The following GPRIN3 variants were observed in gnomAD, a reference collection of about 807,000 sequenced individuals.
GPRIN3 encodes the protein GPRIN family member 3.
Under a neutral mutation model 13.7 loss-of-function variants are expected in GPRIN3, and 12 were observed. The observed-to-expected ratio is 0.87, with a 90% confidence interval of 0.56 to 1.42. The LOEUF is 1.42. GPRIN3 is among the 40% of genes most tolerant of loss of function. The pLI is 0.00. For synonymous variants in GPRIN3, 377 were observed against 372.7 expected, an observed-to-expected ratio of 1.01 and a Z score of -0.13; for missense variants, 1,009 against 958.7, an observed-to-expected ratio of 1.05 and a Z score of -0.69.
intron 1 of GPRIN3, among the ~76,000 whole-genome samples, chr4:89,288,279 G>C (rs1317140553): frequency 6.6e-6 from 1 of 152,118 alleles, no homozygotes; most frequent in African/African-American, 2.4e-5. Context: ...GCTCTTGCTT[G>C]GCTTTCTAGA....
chr4:89,277,918 T>C (rs1724137370), intron 1 of GPRIN3, among the ~76,000 whole-genome samples: 1 of 152,214 alleles, frequency 6.6e-6, no homozygotes, highest in South Asian at 2.1e-4. Context: ...TCTTGGGTAG[T>C]TCCTGCTCCT....
At chr4:89,303,714 C>T (rs1203668158) in intron 1 of GPRIN3, among the ~76,000 whole-genome samples, 2 of 150,138 alleles carry the variant, frequency 1.3e-5, no homozygotes, top group South Asian at 4.2e-4. Flanking sequence ...CTACAGACAC[C>T]GTCACCATTT....
chr4:89,248,393 C>A lies in GPRIN3; in HGVS notation c.1718G>T (p.Gly573Val). 1.2e-6 allele frequency: 2 copies of A among 1,614,128 alleles called. No homozygotes were observed. Among genetic ancestry groups the A allele is most frequent in the Non-Finnish European group, 1.7e-6 (2 of 1,180,022 alleles). ...LLNPKSQESG[G>V]TESAANPTPS... ...TGTAGGATTAGCAGCTGATTCTGTG[C>A]CTCCACTTTCTTGGGATTTAGGATT... The change falls in exon 2 of 2, where the codon GGC becomes GTC. Residue 573 changes from glycine to valine, a missense_variant. By Grantham distance (109) the Gly-to-Val change is moderately radical. Coordinates refer to ENST00000609438, the MANE Select transcript of GPRIN3 (RefSeq NM_198281.3).
In GPRIN3 at chr4:89,236,805, T is replaced by C. The variant is rs1722804357; in HGVS notation, c.*10975A>G. On this transcript the variant is annotated 3_prime_UTR_variant, in exon 2 of 2. Transcript: ENST00000609438. ...TTATATGTCTCAAGTATCTGTGCCA[T>C]TGACAAATTGTAAAACTGTGCATGT... 6.6e-6 allele frequency: 1 copy of C among 152,210 alleles called. No homozygotes were observed. Among genetic ancestry groups the C allele is most frequent in the African/African-American group, 2.4e-5 (1 of 41,450 alleles). The allele number at this position is 152,210 out of a possible 1,614,324, so 9.4% of individuals were successfully genotyped here.
In GPRIN3 at chr4:89,249,127, G is replaced by A. The variant is rs189934894; in HGVS notation, c.984C>T (p.Val328=). 3.9e-5 allele frequency: 63 copies of A among 1,614,130 alleles called. No individual in the cohort carries two copies. The African/African-American group carries it at 5.1e-4, about 13-fold the overall frequency. The part of the protein sequence containing the change: ...QDAEVQAVAS[V]ESRSVSTSPS... Reference sequence around the variant, plus strand: ...GGCTGGTGGAGACGGATCTGCTCTCGACACTCGCCACTGCCTGCACCTCCG... The same window carrying A: ...GGCTGGTGGAGACGGATCTGCTCTCAACACTCGCCACTGCCTGCACCTCCG... The change falls in exon 2 of 2, where the codon GTC becomes GTT. Residue 328 remains valine, a synonymous_variant. Coordinates refer to ENST00000609438, the MANE Select transcript of GPRIN3 (RefSeq NM_198281.3).
intron 1 of GPRIN3, among the ~76,000 whole-genome samples, chr4:89,270,796 C>G (rs1320738769): frequency 6.6e-6 from 1 of 151,252 alleles, no homozygotes; most frequent in Admixed American, 6.6e-5. Context: ...ATAGGAGAAA[C>G]AATAACTAAT....
chr4:89,279,514 C>T (rs1310403981), intron 1 of GPRIN3, among the ~76,000 whole-genome samples: 1 of 152,164 alleles, frequency 6.6e-6, no homozygotes, highest in African/African-American at 2.4e-5. Flanking sequence ...GTCTACAATC[C>T]CCACACTCCC....
At chr4:89,283,273 T>C (rs1724305698) in intron 1 of GPRIN3, among the ~76,000 whole-genome samples, 1 of 152,206 alleles carries the variant, frequency 6.6e-6, no homozygotes, top group Admixed American at 6.5e-5. Flanking sequence ...TGTGGTGGGT[T>C]CTAGAGAGCC....
intron 1 of GPRIN3, among the ~76,000 whole-genome samples, chr4:89,283,598 G>T (rs186553379): frequency 6.6e-6 from 1 of 152,274 alleles, no homozygotes; most frequent in African/African-American, 2.4e-5. Flanking sequence ...GTATAATGGT[G>T]AGCCCTTTGG....
chr4:89,256,755 T>A (rs1186665075), intron 1 of GPRIN3, among the ~76,000 whole-genome samples: 1 of 152,182 alleles, frequency 6.6e-6, no homozygotes, highest in East Asian at 1.9e-4. Flanking sequence ...CTGACAGCTG[T>A]TTTTAGTAAT....
At position 89,241,869 on chromosome 4, in the gene GPRIN3, G is replaced by A. The variant is rs910602737; in HGVS notation, c.*5911C>T. 2 of 151,542 alleles carry A rather than the reference G, an allele frequency of 1.3e-5. No homozygotes were observed. Among genetic ancestry groups the A allele is most frequent in the African/African-American group, 4.8e-5 (2 of 41,264 alleles). 9.4% of individuals were successfully genotyped at this position (151,542 alleles called of 1,614,324 possible). On this transcript the variant is annotated 3_prime_UTR_variant, in exon 2 of 2. Transcript: ENST00000609438. Reference sequence around the variant, plus strand: ...TTATTAAAAGCAATGATATGAATCAGAAAAAAAACTGTTTAACTGCTCAAG... The same window carrying A: ...TTATTAAAAGCAATGATATGAATCAAAAAAAAAACTGTTTAACTGCTCAAG...
chr4:89,304,420 G>A (rs1301975467), intron 1 of GPRIN3, among the ~76,000 whole-genome samples: 1 of 138,680 alleles, frequency 7.2e-6, no homozygotes, highest in Non-Finnish European at 1.6e-5. Flanking sequence ...ACACACATAC[G>A]TATATATATA....
chr4:89,251,094 G>T (rs966701141), intron 1 of GPRIN3: 1 of 152,010 alleles, frequency 6.6e-6, no homozygotes, highest in African/African-American at 2.4e-5. Context: ...CTATAATATA[G>T]CAGGAGCTCT....
chr4:89,264,276 C>T (rs1312160935), intron 1 of GPRIN3, among the ~76,000 whole-genome samples: 1 of 152,152 alleles, frequency 6.6e-6, no homozygotes, highest in Non-Finnish European at 1.5e-5. Flanking sequence ...CCTACTGCCC[C>T]TCTCTTGCTT....
chr4:89,255,641 C>T (rs1723445903), intron 1 of GPRIN3, among the ~76,000 whole-genome samples: 1 of 152,084 alleles, frequency 6.6e-6, no homozygotes, highest in African/African-American at 2.4e-5. Flanking sequence ...GGGATTTTTG[C>T]TAAACCACTT....
intron 1 of GPRIN3, among the ~76,000 whole-genome samples, chr4:89,267,365 GT>G (rs1253101737): frequency 6.6e-6 from 1 of 151,934 alleles, no homozygotes; most frequent in Non-Finnish European, 1.5e-5. Flanking sequence ...TTCTTACTTT[GT>G]TTAAACCAGT....
chr4:89,263,846 C>A (rs1723710617), intron 1 of GPRIN3, among the ~76,000 whole-genome samples: 1 of 152,132 alleles, frequency 6.6e-6, no homozygotes, highest in South Asian at 2.1e-4. Flanking sequence ...AAATTCAAAA[C>A]CAAGTCTGAC....
chr4:89,283,324 G>A (rs1724306988), intron 1 of GPRIN3, among the ~76,000 whole-genome samples: 1 of 152,168 alleles, frequency 6.6e-6, no homozygotes, highest in Non-Finnish European at 1.5e-5. Flanking sequence ...CACATCCACT[G>A]GGCAGAAAGG....
At position 89,237,977 on chromosome 4, in the gene GPRIN3, T is replaced by C. The variant is rs1722828030; in HGVS notation, c.*9803A>G. On this transcript the variant is annotated 3_prime_UTR_variant, in exon 2 of 2. Transcript: ENST00000609438. ...CTCGGCCCTCCTGAGACTTGCAAGA[T>C]CTAACTTCTCCAGGCAAGGCATTTA... 6.6e-6 allele frequency: 1 copy of C among 152,172 alleles called. No individual in the cohort carries two copies. The highest frequency in any genetic ancestry group is 6.5e-5 in the Admixed American group (1 of 15,274). The allele number at this position is 152,172 out of a possible 1,614,324, so 9.4% of individuals were successfully genotyped here.
Sources: allele counts gnomAD v4.1 joint callset (sites outside exome capture counted in the v4.1 genomes callset), GRCh38; gene constraint gnomAD v4.1.1; transcripts MANE v1.5; gene names NCBI Gene and HGNC (gene_info 2026-07-23, HGNC 2026-07-21).